The following THOP1 variants were observed in gnomAD, a reference collection of about 807,000 sequenced individuals.
The protein encoded by THOP1 is thimet oligopeptidase.
A neutral mutation model predicts 71.8 loss-of-function variants in THOP1; 49 were observed. The observed-to-expected ratio is 0.68, with a 90% CI of 0.54 to 0.87. THOP1 has a LOEUF of 0.87. Ranked by LOEUF, THOP1 falls within the 40% of genes least tolerant of loss-of-function variation. THOP1 has a pLI of 0.00. For missense variants in THOP1, 843 were observed against 975.6 expected (o/e 0.86, Z 1.81); for synonymous variants, 426 against 421.5 (o/e 1.01, Z -0.13).
intron 4 of THOP1, 121 bp from the exon 5 acceptor site, chr19:2,799,567 TC>T: frequency 1.3e-6 from 1 of 762,296 alleles, no homozygotes; most frequent in Non-Finnish European, 2.2e-6. Flanking sequence ...GGTTGCCTCT[TC>T]TTTCGGCCTG....
intron 12 of THOP1, chr19:2,812,210 T>A: frequency 6.6e-7 from 1 of 1,518,722 alleles, no homozygotes; most frequent in Non-Finnish European, 8.8e-7. Flanking sequence ...TTCCTCACTA[T>A]GAAGTGCGGC....
rs1916576545 is a variant in THOP1, at chr19:2,815,307, G to A, written c.*2031G>A. 1 of 152,348 alleles carries A rather than the reference G, an allele frequency of 6.6e-6. No homozygotes were observed. Among genetic ancestry groups the A allele is most frequent in the Non-Finnish European group, 1.5e-5 (1 of 68,132 alleles). 9.4% of individuals were successfully genotyped at this position (152,348 alleles called of 1,614,324 possible). On this transcript the variant is annotated 3_prime_UTR_variant, in exon 13 of 13. Transcript: ENST00000307741. ...CCATCACAGCAGAGCTGGGGTCACA[G>A]CCTTGGGCTGCTGGGCCGTGGGCGG...
intron 2 of THOP1, among the ~76,000 whole-genome samples, chr19:2,793,187 C>CA (rs1052057282): frequency 1.5e-4 from 23 of 150,724 alleles, no homozygotes; most frequent in South Asian, 6.3e-4. Context: ...AACAAACAAA[C>CA]AAAAAAAAAC....
At position 2,814,675 on chromosome 19, in the gene THOP1, T is replaced by G. The variant is rs1300791575; in HGVS notation, c.*1399T>G. ...GGGGCTAAGGGGTGAGTCTTGTCTT[T>G]GCAGAGCTGGACGGCACAGCCTGTG... On this transcript the variant is annotated 3_prime_UTR_variant, in exon 13 of 13. Transcript: ENST00000307741. 1 of 152,806 alleles carries G rather than the reference T, an allele frequency of 6.5e-6. No individual in the cohort carries two copies. Among genetic ancestry groups the G allele is most frequent in the Non-Finnish European group, 1.5e-5 (1 of 68,514 alleles). 9.5% of individuals were successfully genotyped at this position (152,806 alleles called of 1,614,324 possible).
intron 9 of THOP1, chr19:2,810,087 C>T (rs563239035): frequency 1.0e-4 from 60 of 590,226 alleles, no homozygotes; most frequent in African/African-American, 8.3e-4. Flanking sequence ...GTCATGTGGC[C>T]GGCATCTTCA....
Position 2,796,144 on chromosome 19 carries a change from C to A in THOP1, c.442C>A (p.Leu148Met). The A allele has an allele frequency of 6.2e-7, 1 of 1,613,808 alleles. No individual in the cohort carries two copies. The highest frequency in any genetic ancestry group is 8.5e-7 in the Non-Finnish European group (1 of 1,179,948). ...GCGGTACCTGGAGCGGCTAATCAAG[C>A]TGGGCCGGAGAAATGGGCTTCACCT... ...AARYLERLIKLGRRNGLHLPR... is the reference protein window; with the variant it reads ...AARYLERLIKMGRRNGLHLPR... Residue 148 changes from leucine to methionine, a missense_variant, in exon 4 of 13, where the codon CTG (leucine) becomes ATG (methionine). By Grantham distance (15) the Leu-to-Met change is conservative. Coordinates refer to ENST00000307741, the MANE Select transcript of THOP1 (RefSeq NM_003249.5).
At chr19:2,811,440 G>T (rs1015572670) in intron 11 of THOP1, among the ~76,000 whole-genome samples, 158 bp from the exon 12 acceptor site, 1 of 152,168 alleles carries the variant, frequency 6.6e-6, no homozygotes, top group Non-Finnish European at 1.5e-5. Context: ...GGCTGACTCT[G>T]GTTCTAGAAG....
In THOP1 at chr19:2,785,567, G is replaced by C. The variant is rs1915720366; in HGVS notation, c.-96G>C. ...TCAGGCGGCCGTGGCGGCGGTGGCG[G>C]CGGTTGGGCCGAGGCAGGCGGCCTC... On this transcript the variant is annotated 5_prime_UTR_variant, in exon 1 of 13. Transcript: ENST00000307741. 2 of 1,388,108 alleles carry C rather than the reference G, an allele frequency of 1.4e-6. No homozygotes were observed. The highest frequency in any genetic ancestry group is 3.0e-5 in the African/African-American group (2 of 67,118). 86.0% of individuals were successfully genotyped at this position (1,388,108 alleles called of 1,614,324 possible).
chr19:2,790,400 C>T, intron 1 of THOP1, 21 bp from the exon 2 acceptor site: 1 of 1,508,834 alleles, frequency 6.6e-7, no homozygotes, highest in Non-Finnish European at 8.9e-7. Flanking sequence ...CCGCCCGGCA[C>T]TGGGTTTTGT....
At chr19:2,803,917 TCCACC>T (rs1045092892) in intron 5 of THOP1, among the ~76,000 whole-genome samples, 2 of 152,130 alleles carry the variant, frequency 1.3e-5, no homozygotes, top group Admixed American at 6.5e-5. Flanking sequence ...GATCATTCTT[TCCACC>T]CCTACTGCCC....
At chr19:2,786,750 C>G (rs2144753813) in intron 1 of THOP1, among the ~76,000 whole-genome samples, 1 of 131,946 alleles carries the variant, frequency 7.6e-6, no homozygotes, top group South Asian at 2.5e-4. Flanking sequence ...AGGCGCCCAC[C>G]ACCACACCTG....
chr19:2,809,924 C>CCA, intron 9 of THOP1: 2 of 261,170 alleles, frequency 7.7e-6, no homozygotes, highest in Non-Finnish European at 1.5e-5. Flanking sequence ...AGGGAAGGTT[C>CCA]CACACACACA....
At chr19:2,795,886 C>T in intron 3 of THOP1, 195 bp from the exon 4 acceptor site, 1 of 502,920 alleles carries the variant, frequency 2.0e-6, no homozygotes, top group Non-Finnish European at 3.7e-6. Context: ...CAGTGTGGGG[C>T]TCTTCCAAAC....
rs1162530761 is a variant in THOP1 at position 2,794,840 on chromosome 19, C to A, written c.306C>A (p.Asp102Glu). ...TCCGGACAGCCAGCACAGAGGCCGA[C>A]AAGAAGCTCTCTGAGTTCGACGTGG... ...KDIRTASTEADKKLSEFDVEM... is the reference protein window; with the variant it reads ...KDIRTASTEAEKKLSEFDVEM... Residue 102 changes from aspartate to glutamate, a missense_variant, in exon 3 of 13, where the codon GAC becomes GAA. Transcript: ENST00000307741. 2 of 1,613,936 alleles carry A rather than the reference C, an allele frequency of 1.2e-6. No homozygotes were observed. The highest frequency in any genetic ancestry group is 1.3e-5 in the African/African-American group (1 of 74,904).
chr19:2,807,424 T>C lies in THOP1; in HGVS notation c.887-18T>C. ...GAGCCCGCGAGGCGAGAGGCCCACCTTTCTGCCCTCCCCGCAGATGAGCTG... is the reference window on the plus strand; with the variant it reads ...GAGCCCGCGAGGCGAGAGGCCCACCCTTCTGCCCTCCCCGCAGATGAGCTG... On this transcript the variant is annotated intron_variant, in intron 7 of 12. Transcript: ENST00000307741. 1 of 1,569,502 alleles carries C rather than the reference T, an allele frequency of 6.4e-7. No homozygotes were observed. The highest frequency in any genetic ancestry group is 1.2e-5 in the South Asian group (1 of 86,656).
chr19:2,803,954 A>T (rs1043942263), intron 5 of THOP1, among the ~76,000 whole-genome samples: 1 of 150,932 alleles, frequency 6.6e-6, no homozygotes, highest in Non-Finnish European at 1.5e-5. Context: ...TGAGCTCCCA[A>T]TCATTCTTTC....
At position 2,814,682 on chromosome 19, in the gene THOP1, C is replaced by G. The variant is rs1359273889; in HGVS notation, c.*1406C>G. 2 of 152,620 alleles carry G rather than the reference C, an allele frequency of 1.3e-5. No individual in the cohort carries two copies. Among genetic ancestry groups the G allele is most frequent in the Non-Finnish European group, 2.9e-5 (2 of 68,378 alleles). The allele number at this position is 152,620 out of a possible 1,614,324, so 9.5% of individuals were successfully genotyped here. ...AGGGGTGAGTCTTGTCTTTGCAGAG[C>G]TGGACGGCACAGCCTGTGGCCAGGA... On this transcript the variant is annotated 3_prime_UTR_variant, in exon 13 of 13. Coordinates refer to ENST00000307741, the MANE Select transcript of THOP1 (RefSeq NM_003249.5).
intron 8 of THOP1, 107 bp downstream of exon 8, chr19:2,807,915 C>T (rs1322796950): frequency 2.3e-6 from 3 of 1,288,306 alleles, no homozygotes; most frequent in East Asian, 5.3e-5. Context: ...CTCCATGGGG[C>T]CTCGGGGATG....
At chr19:2,788,037 T>G (rs1046626661) in intron 1 of THOP1, among the ~76,000 whole-genome samples, 4 of 152,188 alleles carry the variant, frequency 2.6e-5, no homozygotes, top group Non-Finnish European at 5.9e-5. Flanking sequence ...AAATTCTGAA[T>G]GTTAAAATGT....
Sources: gnomAD v4.1 joint callset for allele counts (sites outside exome capture counted in the v4.1 genomes callset) on GRCh38, gnomAD v4.1.1 for gene constraint, MANE v1.5 for transcripts, NCBI Gene and HGNC (gene_info 2026-07-23, HGNC 2026-07-21) for gene names.